AGBL4: variants seen among roughly 807,000 people sequenced by gnomAD.
AGBL4 encodes cytosolic carboxypeptidase 6.
Under a neutral mutation model 66.4 loss-of-function variants are expected in AGBL4, and 58 were observed. The observed-to-expected ratio is 0.87, with a 90% confidence interval of 0.71 to 1.09. AGBL4 has a LOEUF of 1.09. AGBL4 is among the 50% of genes least tolerant of loss of function. AGBL4 has a pLI of 0.00. For missense variants in AGBL4, 579 were observed against 631.0 expected (o/e 0.92, Z 0.88); for synonymous variants, 234 against 222.9 (o/e 1.05, Z -0.44).
intron 2 of AGBL4, among the ~76,000 whole-genome samples, chr1:49,767,567 A>C (rs1033364156): frequency 4.6e-5 from 7 of 152,088 alleles, no homozygotes; most frequent in African/African-American, 1.7e-4. Context: ...AAGAAGAAAC[A>C]ACCACAACAT....
chr1:48,903,544 C>G (rs1652296595), intron 5 of AGBL4, among the ~76,000 whole-genome samples: 1 of 152,182 alleles, frequency 6.6e-6, no homozygotes, highest in Non-Finnish European at 1.5e-5. Flanking sequence ...ATTTGGACAC[C>G]AGGTGATGGC....
At chr1:49,920,758 T>C (rs1652142909) in intron 1 of AGBL4, among the ~76,000 whole-genome samples, 1 of 152,170 alleles carries the variant, frequency 6.6e-6, no homozygotes, top group South Asian at 2.1e-4. Context: ...CCCAAAGGAC[T>C]ACAAATCATG....
At chr1:49,512,354 A>T (rs1247241642) in intron 3 of AGBL4, among the ~76,000 whole-genome samples, 1 of 151,998 alleles carries the variant, frequency 6.6e-6, no homozygotes, top group Non-Finnish European at 1.5e-5. Context: ...TTGAAATATT[A>T]ATACTTGCCT....
intron 3 of AGBL4, among the ~76,000 whole-genome samples, chr1:49,276,460 C>T (rs1338710343): frequency 1.3e-5 from 2 of 152,108 alleles, no homozygotes; most frequent in Non-Finnish European, 2.9e-5. Context: ...TTTGAGATGG[C>T]TGTTCAGAGA....
chr1:48,757,963 G>T (rs1570542554), intron 6 of AGBL4, among the ~76,000 whole-genome samples: 2 of 152,102 alleles, frequency 1.3e-5, no homozygotes, highest in East Asian at 3.9e-4. Flanking sequence ...TACAGTTCTG[G>T]ATTCTTATAT....
At chr1:48,878,126 G>A (rs1240872415) in intron 5 of AGBL4, among the ~76,000 whole-genome samples, 1 of 152,120 alleles carries the variant, frequency 6.6e-6, no homozygotes, top group Non-Finnish European at 1.5e-5. Context: ...AGAGTATCAA[G>A]GTCAGTCTCT....
At chr1:49,034,977 A>T (rs1322811267) in intron 5 of AGBL4, among the ~76,000 whole-genome samples, 1 of 152,124 alleles carries the variant, frequency 6.6e-6, no homozygotes, top group East Asian at 1.9e-4. Flanking sequence ...ATTACAACAG[A>T]CTGGAATAAA....
At chr1:48,945,240 T>G (rs1438295178) in intron 5 of AGBL4, among the ~76,000 whole-genome samples, 3 of 152,172 alleles carry the variant, frequency 2.0e-5, no homozygotes, top group Non-Finnish European at 4.4e-5. Context: ...CATCATATTT[T>G]CCTTGCAATG....
intron 5 of AGBL4, among the ~76,000 whole-genome samples, chr1:49,040,501 G>A (rs974228303): frequency 2.0e-5 from 3 of 152,002 alleles, no homozygotes; most frequent in Non-Finnish European, 2.9e-5. Flanking sequence ...ATAAGTACAT[G>A]AATGATCATA....
chr1:48,552,725 C>T (rs1644267056), intron 11 of AGBL4, among the ~76,000 whole-genome samples: 1 of 152,096 alleles, frequency 6.6e-6, no homozygotes, highest in African/African-American at 2.4e-5. Context: ...AGTGGTTGTA[C>T]AGTATCTGGT....
chr1:49,774,298 C>T (rs1342234897), intron 2 of AGBL4, among the ~76,000 whole-genome samples: 1 of 152,208 alleles, frequency 6.6e-6, no homozygotes, highest in East Asian at 1.9e-4. Flanking sequence ...ATCCCCAGTT[C>T]TGATCTGCTC....
intron 6 of AGBL4, among the ~76,000 whole-genome samples, chr1:48,776,426 T>C (rs1369873695): frequency 6.6e-6 from 1 of 152,208 alleles, no homozygotes; most frequent in African/African-American, 2.4e-5. Context: ...CCGGTCTTTT[T>C]AACTGGCCTG....
rs770394623 is a variant in AGBL4 at position 48,539,746 on chromosome 1, T to C, written c.1268-8A>G. On this transcript the variant is annotated splice_polypyrimidine_tract_variant and splice_region_variant and intron_variant, in intron 11 of 13. Transcript: ENST00000371839. Reference sequence around the variant, plus strand: ...TCCGCCCCAGCTTCATATCTGCAGGTGTGTGCATTAAGGAGCAACTTCGAA... The same window carrying C: ...TCCGCCCCAGCTTCATATCTGCAGGCGTGTGCATTAAGGAGCAACTTCGAA... The C allele has an allele frequency of 1.3e-6, 2 of 1,517,604 alleles. No homozygotes were observed. The highest frequency in any genetic ancestry group is 8.9e-7 in the Non-Finnish European group (1 of 1,125,150). 94.0% of individuals were successfully genotyped at this position (1,517,604 alleles called of 1,614,324 possible).
intron 1 of AGBL4, among the ~76,000 whole-genome samples, chr1:49,909,372 G>C (rs1650594700): frequency 6.6e-6 from 1 of 152,080 alleles, no homozygotes; most frequent in Non-Finnish European, 1.5e-5. Context: ...TAAATAGGGT[G>C]GTCAGAAAAG....
At chr1:48,859,761 A>T (rs1647321989) in intron 6 of AGBL4, among the ~76,000 whole-genome samples, 1 of 152,236 alleles carries the variant, frequency 6.6e-6, no homozygotes, top group Non-Finnish European at 1.5e-5. Flanking sequence ...CTAGTGAATG[A>T]TGTATACCTC....
At chr1:48,611,618 A>G (rs1358853915) in intron 9 of AGBL4, among the ~76,000 whole-genome samples, 2 of 152,198 alleles carry the variant, frequency 1.3e-5, no homozygotes, top group Non-Finnish European at 2.9e-5. Flanking sequence ...ATCTCATTTA[A>G]TTTTCACATA....
chr1:49,712,045 A>G (rs1164305526), intron 2 of AGBL4, among the ~76,000 whole-genome samples: 1 of 152,008 alleles, frequency 6.6e-6, no homozygotes, highest in Non-Finnish European at 1.5e-5. Context: ...AAGTGACTGA[A>G]TTTATATAAA....
chr1:49,859,557 T>C (rs967357222), intron 1 of AGBL4, among the ~76,000 whole-genome samples: 12 of 152,158 alleles, frequency 7.9e-5, no homozygotes, highest in Admixed American at 2.6e-4. Flanking sequence ...ATTCTCAGCA[T>C]ATGAAGAATT....
At position 49,446,847 on chromosome 1, in the gene AGBL4, T is replaced by C. The variant is rs114481197; in HGVS notation, c.283-200983A>G. On this transcript the variant is annotated intron_variant, in intron 3 of 13. Transcript: ENST00000371839. Reference sequence around the variant, plus strand: ...CATGACTCCAAAGCCCATTCTCTGGTTGGTGATGGCAATAGTGCAAAGTCA... The same window carrying C: ...CATGACTCCAAAGCCCATTCTCTGGCTGGTGATGGCAATAGTGCAAAGTCA... Among the ~76,000 whole-genome samples, 1,514 of 152,298 alleles carry C rather than the reference T, an allele frequency of 9.9e-3. 34 individuals are homozygous for C. The highest frequency in any genetic ancestry group is 0.035 in the African/African-American group (1,447 of 41,570).
Sources: allele counts gnomAD v4.1 joint callset (sites outside exome capture counted in the v4.1 genomes callset), GRCh38; gene constraint gnomAD v4.1.1; transcripts MANE v1.5; gene names NCBI Gene and HGNC (gene_info 2026-07-23, HGNC 2026-07-21).